Variants in ATP10B observed in about 807,000 individuals in gnomAD.
ATP10B encodes ATPase phospholipid transporting 10B (putative).
In ATP10B, 122 loss-of-function variants were observed where a neutral mutation model predicts 141.2. The observed-to-expected ratio is 0.86, with a 90% CI of 0.75 to 1.00. ATP10B has a LOEUF of 1.00. ATP10B is among the 50% of genes least tolerant of loss of function. The probability of loss-of-function intolerance (pLI) is 0.00; values close to 1 mark genes in which losing one functional copy is unlikely to be tolerated. For missense variants in ATP10B, 1,876 were observed against 1,825.3 expected (o/e 1.03, Z -0.51); for synonymous variants, 685 against 692.0 (o/e 0.99, Z 0.16).
chr5:160,644,063 C>A (rs1193684636), intron 9 of ATP10B, 75 bp downstream of exon 9: 1 of 1,209,806 alleles, frequency 8.3e-7, no homozygotes, highest in African/African-American at 1.5e-5. Context: ...TTGTTGGTTC[C>A]CATTGACTGA....
chr5:160,715,699 T>TATTTATTTATTTATTTA (rs1765592737), intron 3 of ATP10B, among the ~76,000 whole-genome samples: 1 of 149,690 alleles, frequency 6.7e-6, no homozygotes, highest in Non-Finnish European at 1.5e-5. Context: ...TTTATTTATT[T>TATTTATTTATTTATTTA]ATTTATTTAT....
chr5:160,828,636 G>A (rs971156028), intron 1 of ATP10B, among the ~76,000 whole-genome samples: 1 of 151,546 alleles, frequency 6.6e-6, no homozygotes, highest in Non-Finnish European at 1.5e-5. Flanking sequence ...AACCATTGTG[G>A]AAGTCAGTGT....
intron 2 of ATP10B, among the ~76,000 whole-genome samples, chr5:160,778,706 A>G (rs1770513769): frequency 6.6e-6 from 1 of 152,228 alleles, no homozygotes; most frequent in Non-Finnish European, 1.5e-5. Context: ...TGTTATAAAT[A>G]CATATACACA....
chr5:160,696,660 T>G (rs191936829), intron 3 of ATP10B, among the ~76,000 whole-genome samples: 2 of 152,286 alleles, frequency 1.3e-5, no homozygotes, highest in East Asian at 3.9e-4. Flanking sequence ...GCTTACCTAC[T>G]AATGCAGGAA....
intron 2 of ATP10B, 86 bp from the exon 3 acceptor site, chr5:160,717,120 A>G (rs939032275): frequency 2.3e-6 from 2 of 863,682 alleles, no homozygotes; most frequent in African/African-American, 3.7e-5. Flanking sequence ...ACAATGCTAC[A>G]TATTCTTTAT....
intron 12 of ATP10B, chr5:160,632,614 T>A: frequency 3.0e-5 from 7 of 232,170 alleles, no homozygotes; most frequent in East Asian, 7.8e-5. Flanking sequence ...CTTTATTTCC[T>A]CAGAGGTTTT....
Position 160,569,477 on chromosome 5 carries a change from A to G in ATP10B, c.3938+19T>C, listed in dbSNP as rs752144547. ...AGATTGGTAATTTTAGGAAAGAAAC[A>G]CAGCCCTAGTGCTCAAACCTTGGGA... On this transcript the variant is annotated intron_variant, in intron 25 of 25. Transcript: ENST00000327245. 1.4e-5 allele frequency: 22 copies of G among 1,612,768 alleles called. No individual in the cohort carries two copies. Among genetic ancestry groups the G allele is most frequent in the Non-Finnish European group, 1.8e-5 (21 of 1,179,362 alleles).
intron 2 of ATP10B, among the ~76,000 whole-genome samples, chr5:160,741,966 T>G (rs1006371384): frequency 1.3e-5 from 2 of 152,154 alleles, no homozygotes; most frequent in African/African-American, 4.8e-5. Flanking sequence ...TACTGAATCA[T>G]TAGAAACCCG....
chr5:160,877,594 T>G, the ATP10B span, among the ~76,000 whole-genome samples: 2 of 150,656 alleles, frequency 1.3e-5, no homozygotes, highest in Non-Finnish European at 3.0e-5. Context: ...GAAATCAAAT[T>G]GTCCCTGTTT....
At chr5:160,774,290 A>C (rs1253847446) in intron 2 of ATP10B, among the ~76,000 whole-genome samples, 4 of 152,216 alleles carry the variant, frequency 2.6e-5, no homozygotes, top group African/African-American at 9.6e-5. Flanking sequence ...TGTGCAAAGC[A>C]GCCTCCAGGC....
the ATP10B span, among the ~76,000 whole-genome samples, chr5:160,887,119 A>G: frequency 2.6e-4 from 40 of 152,350 alleles, no homozygotes; most frequent in African/African-American, 8.9e-4. Context: ...TGTTAAGGCT[A>G]TGAGGCAAAT....
intron 7 of ATP10B, among the ~76,000 whole-genome samples, chr5:160,655,820 G>A (rs1761455578): frequency 6.6e-6 from 1 of 152,212 alleles, no homozygotes; most frequent in Non-Finnish European, 1.5e-5. Flanking sequence ...GGGACAGTAA[G>A]TGAGAATCAA....
chr5:160,565,561 G>A lies in ATP10B; in HGVS notation c.4278C>T (p.His1426=). 6.2e-7 allele frequency: 1 copy of A among 1,614,080 alleles called. No homozygotes were observed. The highest frequency in any genetic ancestry group is 1.3e-5 in the African/African-American group (1 of 75,040). Residue 1426 remains histidine (H), a synonymous_variant, in exon 26 of 26, where the codon CAC becomes CAT. Transcript: ENST00000327245. ...DSSAQLSSGE[H]LLGPNRIMAY... ...CCATTATCCTGTTAGGTCCCAGCAG[G>A]TGCTCCCCGGATGAGAGTTGAGCTG... is the stretch of plus-strand genomic sequence containing the variant.
the ATP10B span, among the ~76,000 whole-genome samples, chr5:160,923,666 T>C: frequency 2.6e-5 from 4 of 152,230 alleles, no homozygotes; most frequent in African/African-American, 7.2e-5. Context: ...CCAGCTTGCA[T>C]AAATACCACT....
chr5:160,891,946 G>A, the ATP10B span, among the ~76,000 whole-genome samples: 4 of 152,144 alleles, frequency 2.6e-5, no homozygotes, highest in African/African-American at 9.7e-5. Context: ...AGAAATATGG[G>A]TAAGAGGTCT....
chr5:160,820,183 A>T (rs978248414), intron 1 of ATP10B, among the ~76,000 whole-genome samples: 26 of 152,196 alleles, frequency 1.7e-4, no homozygotes, highest in African/African-American at 5.8e-4. Context: ...ATCAGAGATG[A>T]AAAAGTAGAC....
chr5:160,867,398 A>T, the ATP10B span, among the ~76,000 whole-genome samples: 2 of 152,108 alleles, frequency 1.3e-5, no homozygotes, highest in Admixed American at 1.3e-4. Flanking sequence ...TACTAAATAT[A>T]TAATAAAGAC....
At chr5:160,812,014 CAGAGACAGAGAGAG>C (rs60529867) in intron 1 of ATP10B, among the ~76,000 whole-genome samples, 32,360 of 116,970 alleles carry the variant, frequency 0.28, 4,093 homozygotes, top group East Asian at 0.44. Flanking sequence ...GAGACAGAGA[CAGAGACAGAGAGAG>C]AGAGAGAGAG....
At chr5:160,775,241 C>G (rs539611607) in intron 2 of ATP10B, among the ~76,000 whole-genome samples, 1 of 152,198 alleles carries the variant, frequency 6.6e-6, no homozygotes, top group East Asian at 1.9e-4. Context: ...CTGAAGTAGA[C>G]CTGTATCTGC....
Sources: allele counts gnomAD v4.1 joint callset (sites outside exome capture counted in the v4.1 genomes callset), GRCh38; gene constraint gnomAD v4.1.1; transcripts MANE v1.5; gene names NCBI Gene and HGNC (gene_info 2026-07-23, HGNC 2026-07-21).